SOX5: variants seen among roughly 807,000 people sequenced by gnomAD.
SOX5 encodes SRY-box transcription factor 5.
SOX5 carries 9 observed loss-of-function variants against 92.0 expected under a neutral mutation model. The observed-to-expected ratio is 0.10, with a 90% CI of 0.06 to 0.17. The LOEUF (loss-of-function observed/expected upper bound fraction) is 0.17, where lower values mean the gene tolerates loss of function less well. SOX5 is among the 10% of genes least tolerant of loss of function. The pLI is 1.00. For synonymous variants in SOX5, 344 were observed against 336.3 expected (o/e 1.02, Z -0.25); for missense variants, 642 against 944.5 (o/e 0.68, Z 4.20).
intron 3 of SOX5, among the ~76,000 whole-genome samples, chr12:23,823,445 C>G (rs2096165414): frequency 6.6e-6 from 1 of 152,170 alleles, no homozygotes; most frequent in Admixed American, 6.5e-5. Flanking sequence ...TATTGGTCCC[C>G]ACTCTCTTCT....
chr12:23,949,766 GTCTCTCTCTCTC>G (rs143438082), upstream of SOX5: 11 of 473,010 alleles, frequency 2.3e-5, no homozygotes, highest in South Asian at 8.1e-5. Context: ...CTCTCTCTCT[GTCTCTCTCTCTC>G]TCTCTCTCTC....
chr12:24,084,958 G>C (rs966440648), intron 4 of SOX5, among the ~76,000 whole-genome samples: 3 of 151,990 alleles, frequency 2.0e-5, no homozygotes, highest in African/African-American at 7.2e-5. Context: ...TTGGCTATCT[G>C]CCTTTTTCAC....
chr12:24,129,587 G>A (rs558138983), intron 4 of SOX5, among the ~76,000 whole-genome samples: 8 of 152,220 alleles, frequency 5.3e-5, no homozygotes, highest in East Asian at 1.9e-4. Flanking sequence ...GAGGGTGACC[G>A]TCCATTCCAA....
chr12:23,690,417 CCAGA>C (rs1285503446), intron 6 of SOX5, among the ~76,000 whole-genome samples: 1 of 152,064 alleles, frequency 6.6e-6, no homozygotes, highest in African/African-American at 2.4e-5. Context: ...CTCTTACACG[CCAGA>C]CATTGTTAGA....
At chr12:24,420,713 A>G (rs1156682258) in intron 1 of SOX5, among the ~76,000 whole-genome samples, 1 of 152,202 alleles carries the variant, frequency 6.6e-6, no homozygotes, top group Non-Finnish European at 1.5e-5. Context: ...AAGATGATAT[A>G]ATTAGGTTAT....
chr12:23,696,904 G>A (rs2089960346), intron 6 of SOX5, among the ~76,000 whole-genome samples: 1 of 152,050 alleles, frequency 6.6e-6, no homozygotes, highest in Admixed American at 6.5e-5. Flanking sequence ...AAATTTTCCA[G>A]ATATTGTTTG....
At chr12:23,745,639 C>T (rs984678794) in intron 4 of SOX5, among the ~76,000 whole-genome samples, 2 of 152,184 alleles carry the variant, frequency 1.3e-5, no homozygotes, top group African/African-American at 2.4e-5. Flanking sequence ...TTAACAAGTG[C>T]CTTGCCTGGG....
In SOX5 at chr12:24,065,188, G is replaced by T. The variant is rs16927136; in HGVS notation, c.-2+148155C>A. Among the ~76,000 whole-genome samples the T allele has an allele frequency of 5.2e-3, 798 of 152,262 alleles. 7 individuals carry two copies. Among genetic ancestry groups the T allele is most frequent in the African/African-American group, 0.018 (763 of 41,538 alleles). ...GCTGGTAGAGACATTAAGTTCCTGA[G>T]TGTGATCTTGGCTATCTCCCATCCC... is the stretch of plus-strand genomic sequence containing the variant. On this transcript the variant is annotated intron_variant, in intron 4 of 4. Coordinates refer to the SOX5 transcript ENST00000446891.
intron 4 of SOX5, among the ~76,000 whole-genome samples, chr12:24,098,333 A>G (rs1945675606): frequency 6.6e-6 from 1 of 152,050 alleles, no homozygotes; most frequent in South Asian, 2.1e-4. Flanking sequence ...GCAGTCCACT[A>G]TTTTTACTCT....
chr12:23,612,178 G>C (rs1322076282), intron 8 of SOX5, among the ~76,000 whole-genome samples: 5 of 151,688 alleles, frequency 3.3e-5, no homozygotes, highest in African/African-American at 7.3e-5. Context: ...AGAAAGGAGA[G>C]GTATGCCATA....
chr12:23,656,171 C>A (rs889296657), intron 7 of SOX5, among the ~76,000 whole-genome samples: 1 of 141,314 alleles, frequency 7.1e-6, no homozygotes, highest in Non-Finnish European at 1.5e-5. Context: ...GGTCTTCTGA[C>A]CCCTTGTTTC....
chr12:23,858,069 ATGTG>A (rs10553341), intron 2 of SOX5, among the ~76,000 whole-genome samples: 25 of 150,346 alleles, frequency 1.7e-4, no homozygotes, highest in East Asian at 3.9e-4. Flanking sequence ...ATATGCCTGT[ATGTG>A]TGTGTGTGTG....
upstream of SOX5, among the ~76,000 whole-genome samples, chr12:23,952,944 C>T (rs1470030038): frequency 6.6e-6 from 1 of 152,048 alleles, no homozygotes. Flanking sequence ...ACTGATCCTC[C>T]AGAATTTATA....
intron 7 of SOX5, among the ~76,000 whole-genome samples, chr12:23,648,482 A>G (rs2081155841): frequency 6.6e-6 from 1 of 152,232 alleles, no homozygotes; most frequent in Admixed American, 6.5e-5. Flanking sequence ...GCCTTTAAAG[A>G]GCTAATTTAA....
chr12:23,787,999 A>G (rs916171719), intron 3 of SOX5, among the ~76,000 whole-genome samples: 3 of 151,724 alleles, frequency 2.0e-5, no homozygotes, highest in Non-Finnish European at 4.4e-5. Context: ...CTGCTCATCT[A>G]TTTATTTGAT....
intron 9 of SOX5, among the ~76,000 whole-genome samples, chr12:23,578,136 A>C (rs1217933637): frequency 5.5e-5 from 8 of 146,364 alleles, no homozygotes; most frequent in Admixed American, 4.1e-4. Context: ...AAAAAAAAAA[A>C]AAAAAAAAAA....
chr12:24,132,736 A>C (rs1949764673), intron 4 of SOX5, among the ~76,000 whole-genome samples: 1 of 152,186 alleles, frequency 6.6e-6, no homozygotes, highest in Non-Finnish European at 1.5e-5. Flanking sequence ...AAACGCCACC[A>C]CCAAATGATG....
At chr12:24,341,573 T>C (rs1306587912) in intron 2 of SOX5, among the ~76,000 whole-genome samples, 1 of 152,246 alleles carries the variant, frequency 6.6e-6, no homozygotes, top group Non-Finnish European at 1.5e-5. Context: ...CTGTAAATAA[T>C]GGTTGCTTTC....
chr12:23,715,809 C>CAAAA (rs35450544), intron 6 of SOX5, among the ~76,000 whole-genome samples: 67 of 72,770 alleles, frequency 9.2e-4, no homozygotes, highest in African/African-American at 3.1e-3. Flanking sequence ...AGTAATTTCC[C>CAAAA]AAAAAAAAAA....
Sources: gnomAD v4.1 joint callset for allele counts (sites outside exome capture counted in the v4.1 genomes callset) on GRCh38, gnomAD v4.1.1 for gene constraint, MANE v1.5 for transcripts, NCBI Gene and HGNC (gene_info 2026-07-23, HGNC 2026-07-21) for gene names.